CSMD1: variants seen among roughly 807,000 people sequenced by gnomAD.
CSMD1 encodes CUB and sushi domain-containing protein 1.
A neutral mutation model predicts 417.5 loss-of-function variants in CSMD1; 213 were observed. That is an observed-to-expected ratio of 0.51 (90% CI 0.46 to 0.57). CSMD1 has a LOEUF of 0.57. Ranked by LOEUF, CSMD1 falls within the 20% of genes least tolerant of loss-of-function variation. CSMD1 has a pLI of 0.00. For synonymous variants in CSMD1, 2,862 were observed against 1,736.8 expected, an observed-to-expected ratio of 1.65 and a Z score of -16.11; for missense variants, 6,923 against 4,529.7, an observed-to-expected ratio of 1.53 and a Z score of -15.17.
intron 7 of CSMD1, among the ~76,000 whole-genome samples, chr8:3,703,820 C>A (rs1360764704): frequency 6.6e-6 from 1 of 152,128 alleles, no homozygotes; most frequent in East Asian, 1.9e-4. Flanking sequence ...ACTGTAATCC[C>A]AGCACTTAAG....
At chr8:3,707,208 G>A (rs540905452) in intron 7 of CSMD1, among the ~76,000 whole-genome samples, 2 of 152,280 alleles carry the variant, frequency 1.3e-5, no homozygotes, top group East Asian at 1.9e-4. Context: ...TAGTATCGTT[G>A]TCAAAAGATT....
chr8:3,490,529 G>A (rs1052110822), intron 11 of CSMD1, among the ~76,000 whole-genome samples: 6 of 152,002 alleles, frequency 3.9e-5, no homozygotes, highest in East Asian at 1.9e-4. Flanking sequence ...ATAATAATAC[G>A]TGTGGGTTAC....
intron 1 of CSMD1, among the ~76,000 whole-genome samples, chr8:4,716,806 C>T (rs1043874941): frequency 2.6e-5 from 4 of 152,016 alleles, no homozygotes; most frequent in African/African-American, 7.2e-5. Context: ...TTTTTCCTTG[C>T]CATTTTCAAA....
chr8:3,067,526 T>C (rs1158229338), intron 49 of CSMD1, among the ~76,000 whole-genome samples: 1 of 151,964 alleles, frequency 6.6e-6, no homozygotes, highest in East Asian at 1.9e-4. Context: ...GAATCAGAAT[T>C]TAAACCCCAG....
intron 1 of CSMD1, among the ~76,000 whole-genome samples, chr8:4,903,501 T>C (rs940909364): frequency 6.6e-6 from 1 of 152,226 alleles, no homozygotes; most frequent in Non-Finnish European, 1.5e-5. Flanking sequence ...TTATGAGCTA[T>C]GTTGTTTAAA....
intron 2 of CSMD1, among the ~76,000 whole-genome samples, chr8:4,601,099 G>A (rs1176301104): frequency 1.3e-5 from 2 of 151,974 alleles, no homozygotes; most frequent in Non-Finnish European, 2.9e-5. Flanking sequence ...TGGGATTACA[G>A]GCATGCGCCA....
intron 5 of CSMD1, among the ~76,000 whole-genome samples, chr8:3,933,878 G>C (rs1377689950): frequency 6.6e-6 from 1 of 151,962 alleles, no homozygotes. Flanking sequence ...ATTTAACAAA[G>C]CTTTATTTAC....
chr8:4,534,321 T>A (rs1349867712), intron 2 of CSMD1, among the ~76,000 whole-genome samples: 2 of 152,230 alleles, frequency 1.3e-5, no homozygotes, highest in Non-Finnish European at 2.9e-5. Context: ...TTTTCTTCCC[T>A]ACTCTCTGGC....
At chr8:4,622,341 A>G (rs1433106323) in intron 2 of CSMD1, among the ~76,000 whole-genome samples, 2 of 152,028 alleles carry the variant, frequency 1.3e-5, no homozygotes, top group Non-Finnish European at 2.9e-5. Context: ...ATGCATGCTG[A>G]GGCTCAACAC....
chr8:3,010,118 C>T (rs531014986), intron 52 of CSMD1, among the ~76,000 whole-genome samples: 2 of 152,280 alleles, frequency 1.3e-5, no homozygotes, highest in East Asian at 1.9e-4. Context: ...CCAAATCCAC[C>T]GCAGGTGCGC....
At chr8:3,552,016 C>T (rs868392706) in intron 10 of CSMD1, among the ~76,000 whole-genome samples, 1 of 152,144 alleles carries the variant, frequency 6.6e-6, no homozygotes, top group Non-Finnish European at 1.5e-5. Flanking sequence ...CGAGAAGTTT[C>T]ATAGCAAATG....
chr8:4,365,674 G>A (rs891436191), intron 3 of CSMD1, among the ~76,000 whole-genome samples: 2 of 152,150 alleles, frequency 1.3e-5, no homozygotes, highest in Non-Finnish European at 2.9e-5. Context: ...TAAAACCTAA[G>A]GCAAACTCCA....
chr8:4,848,090 C>G (rs890517374), intron 1 of CSMD1, among the ~76,000 whole-genome samples: 19 of 152,076 alleles, frequency 1.2e-4, no homozygotes, highest in Non-Finnish European at 2.1e-4. Flanking sequence ...TATGGTTTTG[C>G]AACTGTGTTA....
At chr8:4,857,635 C>T (rs1055633840) in intron 1 of CSMD1, among the ~76,000 whole-genome samples, 14 of 152,102 alleles carry the variant, frequency 9.2e-5, no homozygotes, top group South Asian at 4.2e-4. Flanking sequence ...ACTACAAACA[C>T]CTCTACGCAA....
rs1216671029 is a variant in CSMD1 at position 4,983,474 on chromosome 8, G to A, written c.85+10858C>T. ...AGTTCTCCAGGACTTTAAGATTTAT[G>A]AAGTCCAAACAATGTAAACAAATGA... On this transcript the variant is annotated intron_variant, in intron 1 of 69. Transcript: ENST00000635120. Among the ~76,000 whole-genome samples the A allele has an allele frequency of 2.0e-5, 3 of 152,300 alleles. No homozygotes were observed. The South Asian group carries it at 6.2e-4, about 32-fold the overall frequency.
chr8:3,646,814 T>C (rs1248968705), intron 7 of CSMD1, among the ~76,000 whole-genome samples: 1 of 152,110 alleles, frequency 6.6e-6, no homozygotes, highest in Non-Finnish European at 1.5e-5. Flanking sequence ...CCTGTCTTGC[T>C]TCCCCTGCCT....
intron 1 of CSMD1, among the ~76,000 whole-genome samples, chr8:4,962,398 A>G (rs1809560339): frequency 6.6e-6 from 1 of 151,874 alleles, no homozygotes; most frequent in African/African-American, 2.4e-5. Context: ...TTGTGTAGAG[A>G]CAGGGTCTTT....
At chr8:3,964,925 T>G (rs1209112933) in intron 5 of CSMD1, among the ~76,000 whole-genome samples, 1 of 152,216 alleles carries the variant, frequency 6.6e-6, no homozygotes, top group African/African-American at 2.4e-5. Context: ...TCTTAAATAT[T>G]TGTCTTCATT....
At chr8:3,853,091 G>A (rs1804026207) in intron 5 of CSMD1, among the ~76,000 whole-genome samples, 1 of 152,098 alleles carries the variant, frequency 6.6e-6, no homozygotes, top group South Asian at 2.1e-4. Flanking sequence ...CTGCCACCCT[G>A]ACCTCATCAT....
Sources: allele counts gnomAD v4.1 joint callset (sites outside exome capture counted in the v4.1 genomes callset), GRCh38; gene constraint gnomAD v4.1.1; transcripts MANE v1.5; gene names NCBI Gene and HGNC (gene_info 2026-07-23, HGNC 2026-07-21).